The following CLVS2 variants were observed in gnomAD, a reference collection of about 807,000 sequenced individuals.
CLVS2 encodes clavesin 2, also known as clavesin-2.
CLVS2 carries 19 observed loss-of-function variants against 29.0 expected under a neutral mutation model. The ratio of observed to expected loss-of-function variants is 0.66; its 90% CI spans 0.46 to 0.96. The LOEUF is 0.96. CLVS2 is among the 40% of genes least tolerant of loss of function. The probability of loss-of-function intolerance (pLI) is 0.00; values close to 1 mark genes in which losing one functional copy is unlikely to be tolerated. For synonymous variants in CLVS2, 161 were observed against 151.3 expected (o/e 1.06, Z -0.47); for missense variants, 294 against 404.1 (o/e 0.73, Z 2.34).
At chr6:123,020,395 A>T (rs980119659) in intron 3 of CLVS2, among the ~76,000 whole-genome samples, 1 of 152,106 alleles carries the variant, frequency 6.6e-6, no homozygotes, top group Non-Finnish European at 1.5e-5. Flanking sequence ...TGGGATGGTC[A>T]AACTGTAGCA....
intron 3 of CLVS2, among the ~76,000 whole-genome samples, chr6:123,032,355 AT>A (rs1440709506): frequency 6.6e-6 from 1 of 152,096 alleles, no homozygotes; most frequent in Non-Finnish European, 1.5e-5. Context: ...GGGGAGACAA[AT>A]ATGTGTTTTC....
At chr6:123,037,530 G>A (rs544151895) in intron 3 of CLVS2, among the ~76,000 whole-genome samples, 4 of 152,108 alleles carry the variant, frequency 2.6e-5, no homozygotes, top group Admixed American at 2.6e-4. Flanking sequence ...TAAAATCACT[G>A]TCTTCTGCTC....
In CLVS2 at chr6:123,035,994, G is replaced by A. The variant is rs1417891743; in HGVS notation, c.565-12628G>A. ...TGTGTGTGGTCGTCCTGATGTGTACGCTTGGACAAACAGAGATGCTTGCAT... is the reference window on the plus strand; with the variant it reads ...TGTGTGTGGTCGTCCTGATGTGTACACTTGGACAAACAGAGATGCTTGCAT... On this transcript the variant is annotated intron_variant, in intron 3 of 5. Coordinates refer to ENST00000275162, the MANE Select transcript of CLVS2 (RefSeq NM_001010852.4). Among the ~76,000 whole-genome samples, 9 of 152,190 alleles carry A rather than the reference G, an allele frequency of 5.9e-5. No individual in the cohort carries two copies. In the East Asian group the frequency reaches 9.7e-4, roughly 16 times the overall value.
rs1357040769 is a variant in CLVS2, at chr6:123,071,691, T to G, written c.*7930T>G. On this transcript the variant is annotated 3_prime_UTR_variant, in exon 6 of 6. Coordinates refer to ENST00000275162, the MANE Select transcript of CLVS2 (RefSeq NM_001010852.4). ...GAAGAGGAAGAAAAAGGAAAGACATTGTGTTCGTATCTTCTCTGCAACAAT... is the reference window on the plus strand; with the variant it reads ...GAAGAGGAAGAAAAAGGAAAGACATGGTGTTCGTATCTTCTCTGCAACAAT... 6.6e-6 allele frequency: 1 copy of G among 152,000 alleles called. No homozygotes were observed. The highest frequency in any genetic ancestry group is 6.6e-5 in the Admixed American group (1 of 15,230). 9.4% of individuals were successfully genotyped at this position (152,000 alleles called of 1,614,324 possible). A position where few individuals can be genotyped will look rare whatever the true frequency, so the allele number is the denominator to read the frequency against.
At chr6:123,049,042 C>T (rs1204306542) in intron 4 of CLVS2, among the ~76,000 whole-genome samples, 2 of 152,136 alleles carry the variant, frequency 1.3e-5, no homozygotes, top group Non-Finnish European at 1.5e-5. Context: ...GTTATTGATG[C>T]ACTTAATTTG....
chr6:122,998,294 C>A, intron 2 of CLVS2, 128 bp downstream of exon 2: 1 of 1,196,808 alleles, frequency 8.4e-7, no homozygotes, highest in Non-Finnish European at 1.1e-6. Context: ...GAGAAACAAA[C>A]CAGGAGATGA....
intron 4 of CLVS2, among the ~76,000 whole-genome samples, chr6:123,049,231 T>C (rs1478762624): frequency 6.6e-6 from 1 of 152,176 alleles, no homozygotes; most frequent in African/African-American, 2.4e-5. Flanking sequence ...TTAATATTTC[T>C]TTAAATTATA....
At position 123,065,747 on chromosome 6, in the gene CLVS2, C is replaced by A. The variant is rs1170497214; in HGVS notation, c.*1986C>A. 1 of 151,700 alleles carries A rather than the reference C, an allele frequency of 6.6e-6. No individual in the cohort carries two copies. The highest frequency in any genetic ancestry group is 1.5e-5 in the Non-Finnish European group (1 of 67,760). 9.4% of individuals were successfully genotyped at this position (151,700 alleles called of 1,614,324 possible). A position where few individuals can be genotyped will look rare whatever the true frequency, so the allele number is the denominator to read the frequency against. On this transcript the variant is annotated 3_prime_UTR_variant, in exon 6 of 6. Coordinates refer to ENST00000275162, the MANE Select transcript of CLVS2 (RefSeq NM_001010852.4). ...ATAATCCATTGGAATAAAATAGAAA[C>A]ATTGTAAGTGCAGAGGGCAGTCAAC...
intron 3 of CLVS2, among the ~76,000 whole-genome samples, chr6:123,015,038 T>C (rs1454967308): frequency 6.6e-6 from 1 of 150,972 alleles, no homozygotes; most frequent in Non-Finnish European, 1.5e-5. Context: ...GAGTGAAAGT[T>C]TGCTAAGTGG....
chr6:123,028,754 A>AT (rs1228064670), intron 3 of CLVS2, among the ~76,000 whole-genome samples: 4 of 151,900 alleles, frequency 2.6e-5, no homozygotes, highest in South Asian at 2.1e-4. Flanking sequence ...TCATTTTTAT[A>AT]TTTTTTTCTC....
Position 123,071,545 on chromosome 6 carries a change from G to A in CLVS2, c.*7784G>A, listed in dbSNP as rs1244050199. 6.6e-6 allele frequency: 1 copy of A among 151,828 alleles called. No individual in the cohort carries two copies. The highest frequency in any genetic ancestry group is 2.4e-5 in the African/African-American group (1 of 41,364). 9.4% of individuals were successfully genotyped at this position (151,828 alleles called of 1,614,324 possible). Reference sequence around the variant, plus strand: ...AAAACTACATGGAATTGTTCTTTATGGATTATCATGGTTAATTTCAATTTT... The same window carrying A: ...AAAACTACATGGAATTGTTCTTTATAGATTATCATGGTTAATTTCAATTTT... On this transcript the variant is annotated 3_prime_UTR_variant, in exon 6 of 6. Coordinates refer to ENST00000275162, the MANE Select transcript of CLVS2 (RefSeq NM_001010852.4).
rs1446383402 is a variant in CLVS2 at position 123,069,270 on chromosome 6, T to C, written c.*5509T>C. 1 of 151,768 alleles carries C rather than the reference T, an allele frequency of 6.6e-6. No homozygotes were observed. The highest frequency in any genetic ancestry group is 2.4e-5 in the African/African-American group (1 of 41,378). 9.4% of individuals were successfully genotyped at this position (151,768 alleles called of 1,614,324 possible). The stretch of plus-strand genomic sequence containing the variant: ...AGAATGACTGGATTAGGCAAGAGAT[T>C]AAATTTAGAAATTTGAATTACAGAA... On this transcript the variant is annotated 3_prime_UTR_variant, in exon 6 of 6. Transcript: ENST00000275162.
chr6:123,013,494 A>G (rs1254178956), intron 3 of CLVS2, among the ~76,000 whole-genome samples: 1 of 152,172 alleles, frequency 6.6e-6, no homozygotes, highest in East Asian at 1.9e-4. Flanking sequence ...TGAACCAAAA[A>G]TAAGAAAGGC....
At chr6:123,016,466 T>C (rs1202652206) in intron 3 of CLVS2, among the ~76,000 whole-genome samples, 1 of 152,026 alleles carries the variant, frequency 6.6e-6, no homozygotes, top group Non-Finnish European at 1.5e-5. Flanking sequence ...TAGCTTATCC[T>C]AGCCCTACCC....
chr6:123,030,901 A>C (rs1775075461), intron 3 of CLVS2, among the ~76,000 whole-genome samples: 1 of 149,938 alleles, frequency 6.7e-6, no homozygotes, highest in South Asian at 2.1e-4. Flanking sequence ...TATATATCTC[A>C]TATTCTCAAA....
chr6:123,067,968 G>C lies in CLVS2; in HGVS notation c.*4207G>C, dbSNP rs980935116. The C allele has an allele frequency of 1.3e-5, 2 of 151,574 alleles. No individual in the cohort carries two copies. Among genetic ancestry groups the C allele is most frequent in the Non-Finnish European group, 3.0e-5 (2 of 67,672 alleles). 9.4% of individuals were successfully genotyped at this position (151,574 alleles called of 1,614,324 possible). A position where few individuals can be genotyped will look rare whatever the true frequency, so the allele number is the denominator to read the frequency against. On this transcript the variant is annotated 3_prime_UTR_variant, in exon 6 of 6. Coordinates refer to ENST00000275162, the MANE Select transcript of CLVS2 (RefSeq NM_001010852.4). ...TAAGTAAACATACAAAAGAAGCTTGGCTTTGTAACATTATTATATTATGAT... is the reference window on the plus strand; with the variant it reads ...TAAGTAAACATACAAAAGAAGCTTGCCTTTGTAACATTATTATATTATGAT...
At chr6:123,038,637 T>C (rs1233727428) in intron 3 of CLVS2, among the ~76,000 whole-genome samples, 2 of 152,154 alleles carry the variant, frequency 1.3e-5, no homozygotes, top group Non-Finnish European at 2.9e-5. Context: ...TTTCCAAGCC[T>C]TTCACATTAT....
intron 5 of CLVS2, among the ~76,000 whole-genome samples, chr6:123,063,238 A>G (rs1361922703): frequency 6.6e-6 from 1 of 152,034 alleles, no homozygotes; most frequent in Non-Finnish European, 1.5e-5. Flanking sequence ...TTTTTTTCAT[A>G]TGTTTTTTAA....
intron 3 of CLVS2, among the ~76,000 whole-genome samples, chr6:123,044,320 G>A (rs1384940423): frequency 6.6e-6 from 1 of 152,140 alleles, no homozygotes; most frequent in African/African-American, 2.4e-5. Context: ...AAACCACAGT[G>A]TAAAACTAGC....
Sources: allele counts gnomAD v4.1 joint callset (sites outside exome capture counted in the v4.1 genomes callset), GRCh38; gene constraint gnomAD v4.1.1; transcripts MANE v1.5; gene names NCBI Gene and HGNC (gene_info 2026-07-23, HGNC 2026-07-21).